Variants in KDM6A observed in about 807,000 individuals in gnomAD.
KDM6A encodes lysine-specific demethylase 6A.
Under a neutral mutation model 117.6 loss-of-function variants are expected in KDM6A, and 11 were observed. That is an observed-to-expected ratio of 0.09 (90% confidence interval 0.06 to 0.15). The LOEUF (loss-of-function observed/expected upper bound fraction) is 0.15. Among genes scored for constraint, KDM6A ranks in the 10% least tolerant of loss-of-function variants. The probability of loss-of-function intolerance (pLI) is 1.00; values close to 1 mark genes in which losing one functional copy is unlikely to be tolerated. For missense variants in KDM6A, 799 were observed against 1,077.3 expected, an observed-to-expected ratio of 0.74 and a Z score of 3.62; for synonymous variants, 384 against 396.1, an observed-to-expected ratio of 0.97 and a Z score of 0.36.
intron 2 of KDM6A, among the ~76,000 whole-genome samples, chrX:44,950,422 G>C (rs2037923781): frequency 8.9e-6 from 1 of 111,861 alleles, no homozygotes; most frequent in African/African-American, 3.2e-5. Flanking sequence ...ATCATTTAAG[G>C]CTTAATTCGT....
In KDM6A at chrX:44,873,659, G is replaced by T. The variant is rs1433062891; in HGVS notation, c.108G>T (p.Glu36Asp). The stretch of plus-strand genomic sequence containing the variant: ...GAAAAGCGAGCGGCGAGAGCGAGGA[G>T]GCGTCCCCCAGCCTGACAGCCGAGG... ...AAGKASGESE[E>D]ASPSLTAEER... The change falls in exon 1 of 30, where the codon GAG (glutamate) becomes GAT (aspartate). Residue 36 changes from glutamate (E) to aspartate (D), a missense_variant. Glu to Asp is a conservative substitution (Grantham distance 45). Around this residue, in one of 8 missense-constraint regions of KDM6A, gnomAD observed 89 missense variants for 117.8 expected, o/e 0.76. Coordinates refer to ENST00000611820, the MANE Select transcript of KDM6A (RefSeq NM_001291415.2). 8.4e-7 allele frequency: 1 copy of T among 1,189,482 alleles called. No individual in the cohort carries two copies. The highest frequency in any genetic ancestry group is 1.1e-6 in the Non-Finnish European group (1 of 884,924).
chrX:45,085,788 AT>A (rs1297581011), intron 24 of KDM6A, 76 bp from the exon 25 acceptor site: 20 of 565,382 alleles, frequency 3.5e-5, no homozygotes, highest in Non-Finnish European at 5.3e-5. Context: ...GTGATGATTA[AT>A]TTTTTTCTGT....
At chrX:45,079,744 C>T (rs2045314936) in intron 21 of KDM6A, among the ~76,000 whole-genome samples, 1 of 111,850 alleles carries the variant, frequency 8.9e-6, no homozygotes, top group Non-Finnish European at 1.9e-5. Context: ...CTGGGTTTCA[C>T]CATGTTGGCC....
chrX:45,069,844 C>T lies in KDM6A; in HGVS notation c.2345C>T (p.Thr782Ile), dbSNP rs775630807. Residue 782 changes from threonine to isoleucine, a missense_variant, in exon 18 of 30, where the codon ACA becomes ATA. Coordinates refer to ENST00000611820, the MANE Select transcript of KDM6A (RefSeq NM_001291415.2). ...PSGNILTVPE[T>I]SRHTGETPNS... ...GGAAACATATTGACGGTGCCTGAAA[C>T]AAGCAGGCACACTGGAGAGACACCT... is the stretch of plus-strand genomic sequence containing the variant. 2 of 1,211,387 alleles carry T rather than the reference C, an allele frequency of 1.7e-6. No homozygotes were observed. The highest frequency in any genetic ancestry group is 4.3e-5 in the Admixed American group (2 of 46,013).
chrX:44,995,426 A>AT (rs1450637454), intron 4 of KDM6A, among the ~76,000 whole-genome samples: 1 of 110,621 alleles, frequency 9.0e-6, no homozygotes, highest in Non-Finnish European at 1.9e-5. Flanking sequence ...ATTATACTAT[A>AT]ATTTAAGGAA....
chrX:44,949,327 C>T (rs1426224845), intron 2 of KDM6A, among the ~76,000 whole-genome samples: 1 of 111,551 alleles, frequency 9.0e-6, no homozygotes, highest in Non-Finnish European at 1.9e-5. Context: ...CTGGGAGGTC[C>T]AGGCTGCAGT....
intron 3 of KDM6A, among the ~76,000 whole-genome samples, chrX:44,965,709 T>G (rs1325802356): frequency 8.9e-6 from 1 of 111,743 alleles, no homozygotes; most frequent in East Asian, 2.8e-4. Context: ...CAGGTCATCA[T>G]AACAGATAAC....
At chrX:45,039,437 T>C (rs1213816866) in intron 8 of KDM6A, among the ~76,000 whole-genome samples, 1 of 110,375 alleles carries the variant, frequency 9.1e-6, no homozygotes, top group Non-Finnish European at 1.9e-5. Context: ...TGTCTGTTGG[T>C]CTTACTGTTT....
At chrX:44,993,912 A>G (rs927067024) in intron 4 of KDM6A, among the ~76,000 whole-genome samples, 3 of 112,145 alleles carry the variant, frequency 2.7e-5, no homozygotes, top group African/African-American at 9.7e-5. Flanking sequence ...CCCTTTGTGC[A>G]TAGGATTTGT....
chrX:45,079,470 TGTAA>T (rs1452937184), intron 21 of KDM6A, 119 bp downstream of exon 21: 15 of 533,363 alleles, frequency 2.8e-5, no homozygotes, highest in Admixed American at 6.3e-5. Flanking sequence ...TAAAATACTT[TGTAA>T]GTGTTCTCCA....
intron 3 of KDM6A, among the ~76,000 whole-genome samples, chrX:44,962,707 AAAGTT>A (rs199692453): frequency 0.038 from 4,264 of 112,357 alleles, 219 homozygotes; most frequent in African/African-American, 0.13. Flanking sequence ...ATTACATATA[AAAGTT>A]ATGTTTGCAC....
chrX:44,945,292 G>GCT (rs1184420434), intron 2 of KDM6A, among the ~76,000 whole-genome samples: 2 of 111,386 alleles, frequency 1.8e-5, no homozygotes, highest in Non-Finnish European at 3.8e-5. Context: ...GGTAATTAGA[G>GCT]CTCACATTCA....
chrX:45,011,847 G>A (rs1364394396), intron 5 of KDM6A, among the ~76,000 whole-genome samples: 2 of 108,829 alleles, frequency 1.8e-5, no homozygotes, highest in African/African-American at 3.4e-5. Flanking sequence ...GTGCAGTGGC[G>A]AGATTGCAGC....
At chrX:44,941,422 G>T (rs1461899907) in intron 2 of KDM6A, among the ~76,000 whole-genome samples, 5 of 109,348 alleles carry the variant, frequency 4.6e-5, no homozygotes, top group African/African-American at 1.3e-4. Context: ...GGCAATGCAA[G>T]ATTCTTAGAG....
chrX:44,992,206 C>CTTTTTTTTTTTTTTTTTTT (rs779979560), intron 4 of KDM6A, among the ~76,000 whole-genome samples: 2 of 32,060 alleles, frequency 6.2e-5, no homozygotes, highest in Non-Finnish European at 1.2e-4. Flanking sequence ...CTGTCTTCTT[C>CTTTTTTTTTTTTTTTTTTT]TTTTTTTTTT....
intron 4 of KDM6A, among the ~76,000 whole-genome samples, chrX:44,992,778 C>T (rs1325172890): frequency 1.8e-5 from 2 of 109,699 alleles, no homozygotes; most frequent in Non-Finnish European, 3.8e-5. Flanking sequence ...AATCTCCTGA[C>T]CATGTGATCC....
chrX:44,880,343 A>C (rs1337526201), intron 2 of KDM6A, among the ~76,000 whole-genome samples: 2 of 110,116 alleles, frequency 1.8e-5, no homozygotes, highest in Non-Finnish European at 1.9e-5. Context: ...ATTCTCTGAC[A>C]GAGTTTGGAA....
chrX:44,952,370 C>T (rs2038060734), intron 2 of KDM6A, among the ~76,000 whole-genome samples: 1 of 105,579 alleles, frequency 9.5e-6, no homozygotes, highest in South Asian at 4.3e-4. Context: ...TTCCTAGGTT[C>T]GAGCGATTCT....
chrX:45,034,840 A>G (rs1241832019), intron 6 of KDM6A, 91 bp from the exon 7 acceptor site: 3 of 687,520 alleles, frequency 4.4e-6, no homozygotes, highest in African/African-American at 4.2e-5. Context: ...ATTTATTATT[A>G]TTTTAGACCT....
Sources: gnomAD v4.1 joint callset for allele counts (sites outside exome capture counted in the v4.1 genomes callset) on GRCh38, gnomAD v4.1.1 for gene constraint, gnomAD v4.1.1 regional missense constraint, MANE v1.5 for transcripts, NCBI Gene and HGNC (gene_info 2026-07-23, HGNC 2026-07-21) for gene names.